NEURL3: variants seen among roughly 807,000 people sequenced by gnomAD.
The protein encoded by NEURL3 is neuralized E3 ubiquitin protein ligase 3.
Under a neutral mutation model 17.6 loss-of-function variants are expected in NEURL3, and 19 were observed. The observed-to-expected ratio is 1.08, with a 90% CI of 0.75 to 1.58. The LOEUF is 1.58. NEURL3 is among the 40% of genes most tolerant of loss of function. The pLI is 0.00. For missense variants in NEURL3, 342 were observed against 379.6 expected (o/e 0.90, Z 0.82); for synonymous variants, 180 against 161.4 (o/e 1.11, Z -0.87).
chr2:96,502,609 C>T (rs1449467091), intron 1 of NEURL3, among the ~76,000 whole-genome samples: 2 of 152,254 alleles, frequency 1.3e-5, no homozygotes, highest in African/African-American at 2.4e-5. Flanking sequence ...AGTGGGGCCT[C>T]TTGGCACAAC....
At position 96,500,944 on chromosome 2, in the gene NEURL3, A is replaced by G. The variant is rs748551427; in HGVS notation, c.29-20T>C. Reference sequence around the variant, plus strand: ...TGGCGTCTGTGGGTTGAGGATGGGGAGTGTCAGTGCTAACCGGGTCTGGAC... The same window carrying G: ...TGGCGTCTGTGGGTTGAGGATGGGGGGTGTCAGTGCTAACCGGGTCTGGAC... On this transcript the variant is annotated intron_variant, in intron 1 of 3. Coordinates refer to ENST00000451794, the MANE Select transcript of NEURL3 (RefSeq NM_001285485.2). 6.5e-6 allele frequency: 10 copies of G among 1,540,194 alleles called. No individual in the cohort carries two copies. The East Asian group carries it at 7.1e-5, about 11-fold the overall frequency.
At chr2:96,499,638 G>C (rs974500825) in intron 2 of NEURL3, among the ~76,000 whole-genome samples, 189 bp from the exon 3 acceptor site, 1 of 152,134 alleles carries the variant, frequency 6.6e-6, no homozygotes, top group Non-Finnish European at 1.5e-5. Context: ...GAGAATCCGA[G>C]AATCCTTGGG....
chr2:96,503,339 T>C (rs2065528493), intron 1 of NEURL3, among the ~76,000 whole-genome samples: 1 of 152,160 alleles, frequency 6.6e-6, no homozygotes, highest in African/African-American at 2.4e-5. Context: ...TGTATGGAGC[T>C]AAGTCCTCAT....
intron 1 of NEURL3, among the ~76,000 whole-genome samples, chr2:96,504,917 T>TC (rs1283829193): frequency 7.8e-6 from 1 of 128,188 alleles, no homozygotes; most frequent in Non-Finnish European, 1.7e-5. Context: ...GTCCTCTATC[T>TC]CCCCCACATA....
At chr2:96,499,604 T>G in intron 2 of NEURL3, 155 bp from the exon 3 acceptor site, 3 of 174,470 alleles carry the variant, frequency 1.7e-5, no homozygotes, top group Non-Finnish European at 3.4e-5. Context: ...GTCCTGGCCA[T>G]CCCTTCCCCA....
chr2:96,500,887 G>A lies in NEURL3; in HGVS notation c.66C>T (p.Ala22=). 1 of 1,560,202 alleles carries A rather than the reference G, an allele frequency of 6.4e-7. No individual in the cohort carries two copies. Among genetic ancestry groups the A allele is most frequent in the Non-Finnish European group, 8.6e-7 (1 of 1,162,014 alleles). ...KAPREALRFH[A]EAKGAQVRLD... ...GACGCACCTGTGCGCCCTTGGCCTC[G>A]GCATGGAAGCGAAGTGCCTCTCGGG... The change falls in exon 2 of 4, where the codon GCC becomes GCT. Residue 22 remains alanine, a synonymous_variant. Coordinates refer to ENST00000451794, the MANE Select transcript of NEURL3 (RefSeq NM_001285485.2).
intron 1 of NEURL3, 147 bp from the exon 2 acceptor site, chr2:96,501,071 A>G: frequency 1.0e-6 from 1 of 1,004,790 alleles, no homozygotes; most frequent in Non-Finnish European, 1.4e-6. Context: ...CGGTTCCTGC[A>G]GGGTTGTTAT....
chr2:96,500,529 G>A lies in NEURL3; in HGVS notation c.424C>T (p.Arg142Trp), dbSNP rs376471217. ...CLFAKVNAGC[R>W]LLLREGVPVG... ...GGCACGCCCTCACGCAGCAGGAGCC[G>A]GCAGCCGGCGTTGACCTTGGCGAAG... is the stretch of plus-strand genomic sequence containing the variant. Residue 142 changes from arginine to tryptophan, a missense_variant, in exon 2 of 4, where the codon CGG becomes TGG. Arg to Trp is a moderately radical substitution (Grantham distance 101). Coordinates refer to ENST00000451794, the MANE Select transcript of NEURL3 (RefSeq NM_001285485.2). 4.0e-4 allele frequency: 626 copies of A among 1,579,358 alleles called. No individual in the cohort carries two copies. The highest frequency in any genetic ancestry group is 5.2e-4 in the Non-Finnish European group (606 of 1,171,302).
At chr2:96,501,185 CTA>C (rs1156379971) in intron 1 of NEURL3, among the ~76,000 whole-genome samples, 22 of 152,154 alleles carry the variant, frequency 1.4e-4, no homozygotes, top group Admixed American at 5.2e-4. Context: ...GCATAAATAT[CTA>C]TATGTTTGTT....
Position 96,498,373 on chromosome 2 carries a change from T to C in NEURL3, c.660A>G (p.Thr220=), listed in dbSNP as rs1417482520. The C allele has an allele frequency of 6.3e-7, 1 of 1,599,304 alleles. No individual in the cohort carries two copies. Among genetic ancestry groups the C allele is most frequent in the Non-Finnish European group, 8.5e-7 (1 of 1,179,778 alleles). The change falls in exon 4 of 4, where the codon ACA becomes ACG. Residue 220 remains threonine, a synonymous_variant. Coordinates refer to ENST00000451794, the MANE Select transcript of NEURL3 (RefSeq NM_001285485.2). This position sits in a 1 kb window ranked among gnomAD's most constrained non-coding sequence, Gnocchi z 4.4. ...ANTRLVPCGH[T]YFCRYCAWRV... ...GCCAGGCACAGTATCTGCAGAAGTATGTGTGGCCGCAGGGCACAAGGCGGG... is the reference window on the plus strand; with the variant it reads ...GCCAGGCACAGTATCTGCAGAAGTACGTGTGGCCGCAGGGCACAAGGCGGG...
Position 96,500,803 on chromosome 2 carries a change from G to GA in NEURL3, c.149dup (p.Ser51GlnfsTer64), listed in dbSNP as rs1402522956. ...CGCCCAGGCGCACCGGCCGCTGGCT[G>GA]AACACGATGCCGTCGTGGAACGTGG... is the stretch of plus-strand genomic sequence containing the variant. On this transcript the variant is annotated frameshift_variant, in exon 2 of 4. Transcript: ENST00000451794. LOFTEE classifies it high-confidence loss of function. The GA allele has an allele frequency of 1.3e-6, 2 of 1,526,954 alleles. No individual in the cohort carries two copies. Among genetic ancestry groups the GA allele is most frequent in the South Asian group, 2.4e-5 (2 of 83,624 alleles). 94.6% of individuals were successfully genotyped at this position (1,526,954 alleles called of 1,614,324 possible).
chr2:96,498,162 G>T lies in NEURL3; in HGVS notation c.*82C>A. ...TTTCTGACTCTTCCCCAGAAAGAAG[G>T]TAGGGCTGCGCCTCCTTCCTCTCTG... is the stretch of plus-strand genomic sequence containing the variant. On this transcript the variant is annotated 3_prime_UTR_variant, in exon 4 of 4. Transcript: ENST00000451794. The surrounding 1 kb of genome is among the most constrained non-coding windows in gnomAD (Gnocchi z 4.4). 2 of 1,346,378 alleles carry T rather than the reference G, an allele frequency of 1.5e-6. No individual in the cohort carries two copies. The highest frequency in any genetic ancestry group is 9.9e-7 in the Non-Finnish European group (1 of 1,014,520). The allele number at this position is 1,346,378 out of a possible 1,614,324, so 83.4% of individuals were successfully genotyped here.
Position 96,498,213 on chromosome 2 carries a change from C to G in NEURL3, c.*31G>C. On this transcript the variant is annotated 3_prime_UTR_variant, in exon 4 of 4. Coordinates refer to ENST00000451794, the MANE Select transcript of NEURL3 (RefSeq NM_001285485.2). This position sits in a 1 kb window ranked among gnomAD's most constrained non-coding sequence, Gnocchi z 4.4. ...CAGGGGCCAGACTCAGATCTAGGCCCGGGCTGCCACTCATACTGGGAAGCC... is the reference window on the plus strand; with the variant it reads ...CAGGGGCCAGACTCAGATCTAGGCCGGGGCTGCCACTCATACTGGGAAGCC... 1 of 1,510,810 alleles carries G rather than the reference C, an allele frequency of 6.6e-7. No individual in the cohort carries two copies. Among genetic ancestry groups the G allele is most frequent in the Non-Finnish European group, 8.8e-7 (1 of 1,130,808 alleles). The allele number at this position is 1,510,810 out of a possible 1,614,324, so 93.6% of individuals were successfully genotyped here.
intron 1 of NEURL3, among the ~76,000 whole-genome samples, chr2:96,502,423 A>C (rs1228424953): frequency 6.6e-6 from 1 of 152,016 alleles, no homozygotes; most frequent in Non-Finnish European, 1.5e-5. Flanking sequence ...TAACACCCCC[A>C]TTCCAGGCCT....
rs2065461083 is a variant in NEURL3, at chr2:96,498,098, C to T, written c.*146G>A. The T allele has an allele frequency of 1.2e-6, 1 of 818,276 alleles. No homozygotes were observed. 50.7% of individuals were successfully genotyped at this position (818,276 alleles called of 1,614,324 possible). ...GGTGGAGGCAGCAGACAGCACCTCCCTGCCTTCCTCTCTCTGCCGCACCTC... is the reference window on the plus strand; with the variant it reads ...GGTGGAGGCAGCAGACAGCACCTCCTTGCCTTCCTCTCTCTGCCGCACCTC... On this transcript the variant is annotated 3_prime_UTR_variant, in exon 4 of 4. Coordinates refer to ENST00000451794, the MANE Select transcript of NEURL3 (RefSeq NM_001285485.2). The surrounding 1 kb of genome is among the most constrained non-coding windows in gnomAD (Gnocchi z 4.4).
chr2:96,506,388 G>A (rs1866444), upstream of NEURL3, among the ~76,000 whole-genome samples: 36,427 of 152,170 alleles, frequency 0.24, 5,575 homozygotes, highest in Non-Finnish European at 0.32. Flanking sequence ...CTGATATTGT[G>A]AAGACAGGTC....
chr2:96,504,877 CAAAAAAAAAAAAA>C (rs1157285400), intron 1 of NEURL3, among the ~76,000 whole-genome samples: 19 of 55,280 alleles, frequency 3.4e-4, no homozygotes, highest in African/African-American at 1.1e-3. Flanking sequence ...GACTCCGTCT[CAAAAAAAAAAAAA>C]AAAAAAAAAA....
At chr2:96,506,119 T>C (rs2065558916), upstream of NEURL3, among the ~76,000 whole-genome samples, 1 of 152,192 alleles carries the variant, frequency 6.6e-6, no homozygotes, top group African/African-American at 2.4e-5. Context: ...TGCTCCTCAC[T>C]CACATTGCAA....
chr2:96,497,660 A>G lies in NEURL3; in HGVS notation c.*584T>C, dbSNP rs1292658617. 1 of 152,370 alleles carries G rather than the reference A, an allele frequency of 6.6e-6. No individual in the cohort carries two copies. The highest frequency in any genetic ancestry group is 2.4e-5 in the African/African-American group (1 of 41,442). 9.4% of individuals were successfully genotyped at this position (152,370 alleles called of 1,614,324 possible). A position where few individuals can be genotyped will look rare whatever the true frequency, so the allele number is the denominator to read the frequency against. On this transcript the variant is annotated 3_prime_UTR_variant, in exon 4 of 4. Coordinates refer to ENST00000451794, the MANE Select transcript of NEURL3 (RefSeq NM_001285485.2). The stretch of plus-strand genomic sequence containing the variant: ...CTACAAAATCATTCAGGAAACACAA[A>G]CTTTATTTTGATATCTCAGAAACTG...
Sources: allele counts gnomAD v4.1 joint callset (sites outside exome capture counted in the v4.1 genomes callset), GRCh38; gene constraint gnomAD v4.1.1; non-coding constraint Gnocchi (gnomAD v3.1); transcripts MANE v1.5; gene names NCBI Gene and HGNC (gene_info 2026-07-23, HGNC 2026-07-21).